The following GPM6A variants were observed in gnomAD, a reference collection of about 807,000 sequenced individuals.
GPM6A encodes the protein neuronal membrane glycoprotein M6-a.
GPM6A carries 7 observed loss-of-function variants against 32.1 expected under a neutral mutation model. The ratio of observed to expected loss-of-function variants is 0.22; its 90% CI spans 0.12 to 0.41. The LOEUF is 0.41. Ranked by LOEUF, GPM6A falls within the 10% of genes least tolerant of loss-of-function variation. The probability of loss-of-function intolerance (pLI) is 1.00; values close to 1 mark genes in which losing one functional copy is unlikely to be tolerated. For synonymous variants in GPM6A, 130 were observed against 123.4 expected (o/e 1.05, Z -0.35); for missense variants, 235 against 347.2 (o/e 0.68, Z 2.57).
At chr4:175,757,711 T>C (rs916608457) in intron 1 of GPM6A, among the ~76,000 whole-genome samples, 1 of 152,044 alleles carries the variant, frequency 6.6e-6, no homozygotes, top group South Asian at 2.1e-4. Context: ...GAAAAAGACA[T>C]GTAATGAGAA....
intron 3 of GPM6A, among the ~76,000 whole-genome samples, chr4:175,655,788 T>C (rs1164901009): frequency 6.6e-6 from 1 of 152,076 alleles, no homozygotes; most frequent in African/African-American, 2.4e-5. Flanking sequence ...TAATCCCTCA[T>C]AGTCACTTTT....
intron 3 of GPM6A, among the ~76,000 whole-genome samples, chr4:175,670,690 T>G (rs1173503195): frequency 3.9e-5 from 6 of 152,126 alleles, no homozygotes; most frequent in African/African-American, 1.4e-4. Context: ...GTGCCTCAAA[T>G]TCTGGATTTT....
intron 1 of GPM6A, among the ~76,000 whole-genome samples, chr4:175,981,986 G>C (rs1740833373): frequency 6.6e-6 from 1 of 151,880 alleles, no homozygotes; most frequent in African/African-American, 2.4e-5. Context: ...CTCATTGTCA[G>C]TTTGATTTGC....
chr4:175,973,057 C>G (rs1187258598), intron 1 of GPM6A, among the ~76,000 whole-genome samples: 1 of 151,998 alleles, frequency 6.6e-6, no homozygotes. Context: ...TGAACACCCA[C>G]CTGAAAAGAG....
intron 1 of GPM6A, among the ~76,000 whole-genome samples, chr4:175,757,935 TATC>T (rs1732593284): frequency 6.6e-6 from 1 of 152,190 alleles, no homozygotes. Context: ...AAAAGCCTAA[TATC>T]ATGATAAAAT....
At chr4:175,830,966 A>G (rs1347382323) in intron 1 of GPM6A, among the ~76,000 whole-genome samples, 1 of 152,204 alleles carries the variant, frequency 6.6e-6, no homozygotes, top group African/African-American at 2.4e-5. Flanking sequence ...CCTAAACTGG[A>G]AAAGAAATCT....
At chr4:175,889,018 A>G (rs1267361409) in intron 1 of GPM6A, among the ~76,000 whole-genome samples, 1 of 152,172 alleles carries the variant, frequency 6.6e-6, no homozygotes, top group Non-Finnish European at 1.5e-5. Context: ...TACACTTAGG[A>G]ATTAGGTAAC....
chr4:175,774,142 T>C (rs1301264193), intron 1 of GPM6A, among the ~76,000 whole-genome samples: 2 of 152,114 alleles, frequency 1.3e-5, no homozygotes, highest in African/African-American at 4.8e-5. Flanking sequence ...TTGCTGTTTT[T>C]ACCTTAGATG....
In GPM6A at chr4:175,634,895, G is replaced by C; in HGVS notation, c.*10C>G. On this transcript the variant is annotated 3_prime_UTR_variant, in exon 7 of 7. Transcript: ENST00000393658. Reference sequence around the variant, plus strand: ...TGCATTCAAATGGTAGAAAGAACAGGAAGATGCATTTATGTGTATGCATTG... The same window carrying C: ...TGCATTCAAATGGTAGAAAGAACAGCAAGATGCATTTATGTGTATGCATTG... The C allele has an allele frequency of 6.2e-7, 1 of 1,609,102 alleles. No individual in the cohort carries two copies. The highest frequency in any genetic ancestry group is 8.5e-7 in the Non-Finnish European group (1 of 1,176,002).
chr4:175,799,421 A>T (rs1047561647), intron 1 of GPM6A, among the ~76,000 whole-genome samples: 1 of 152,088 alleles, frequency 6.6e-6, no homozygotes. Context: ...CCCCTCTCAC[A>T]CTAAGAACTG....
At chr4:175,966,799 T>C (rs2126413923) in intron 1 of GPM6A, among the ~76,000 whole-genome samples, 1 of 152,288 alleles carries the variant, frequency 6.6e-6, no homozygotes, top group South Asian at 2.1e-4. Context: ...CTTATATCTA[T>C]AAAAGAAATT....
chr4:175,687,143 G>C (rs1309881224), intron 2 of GPM6A, among the ~76,000 whole-genome samples: 1 of 152,176 alleles, frequency 6.6e-6, no homozygotes, highest in Non-Finnish European at 1.5e-5. Flanking sequence ...TGTGGTAAAG[G>C]AAAGTCATGT....
At chr4:175,702,930 T>A (rs1307653798) in intron 1 of GPM6A, among the ~76,000 whole-genome samples, 1 of 152,120 alleles carries the variant, frequency 6.6e-6, no homozygotes, top group Non-Finnish European at 1.5e-5. Flanking sequence ...CATTCATGGT[T>A]TGAAAAAATG....
At chr4:175,717,269 A>G (rs1745888198) in intron 1 of GPM6A, among the ~76,000 whole-genome samples, 2 of 152,168 alleles carry the variant, frequency 1.3e-5, no homozygotes, top group South Asian at 4.1e-4. Flanking sequence ...TACAGCTTAA[A>G]TATCTCTTCC....
chr4:175,684,054 C>T (rs1165365286), intron 2 of GPM6A, among the ~76,000 whole-genome samples: 4 of 152,120 alleles, frequency 2.6e-5, no homozygotes, highest in Non-Finnish European at 4.4e-5. Flanking sequence ...TGGTCTCAAA[C>T]TCCTGACCTC....
intron 1 of GPM6A, among the ~76,000 whole-genome samples, chr4:175,885,592 T>C (rs1376293330): frequency 6.6e-6 from 1 of 152,174 alleles, no homozygotes; most frequent in Non-Finnish European, 1.5e-5. Flanking sequence ...GATTGAACCA[T>C]TGAACTCCAG....
chr4:175,907,680 CA>C, intron 1 of GPM6A, among the ~76,000 whole-genome samples: 1 of 152,232 alleles, frequency 6.6e-6, no homozygotes, highest in East Asian at 1.9e-4. Context: ...TCTGAAGGCA[CA>C]GGGGCAAAGA....
intron 1 of GPM6A, among the ~76,000 whole-genome samples, chr4:175,976,027 T>A (rs1360244362): frequency 6.6e-6 from 1 of 152,206 alleles, no homozygotes; most frequent in Non-Finnish European, 1.5e-5. Context: ...ATTCAGTGAT[T>A]TAGACTGTCT....
At chr4:175,826,213 A>G (rs899835875) in intron 1 of GPM6A, among the ~76,000 whole-genome samples, 5 of 152,014 alleles carry the variant, frequency 3.3e-5, no homozygotes, top group African/African-American at 1.2e-4. Flanking sequence ...CTCAAAAACC[A>G]TTGGCCACTG....
Sources: allele counts gnomAD v4.1 joint callset (sites outside exome capture counted in the v4.1 genomes callset), GRCh38; gene constraint gnomAD v4.1.1; transcripts MANE v1.5; gene names NCBI Gene and HGNC (gene_info 2026-07-23, HGNC 2026-07-21).